Variants in GRB10 observed in about 807,000 individuals in gnomAD.
GRB10 encodes the protein growth factor receptor bound protein 10, also known as growth factor receptor-bound protein 10.
In GRB10, 20 loss-of-function variants were observed where a neutral mutation model predicts 80.9. That is an observed-to-expected ratio of 0.25 (90% CI 0.17 to 0.36). The LOEUF is 0.36. GRB10 is among the 10% of genes least tolerant of loss of function. The pLI is 1.00. For missense variants in GRB10, 548 were observed against 747.7 expected, an observed-to-expected ratio of 0.73 and a Z score of 3.12; for synonymous variants, 291 against 291.5, an observed-to-expected ratio of 1.00 and a Z score of 0.02.
chr7:50,606,797 G>T (rs2048623629), intron 13 of GRB10: 2 of 302,046 alleles, frequency 6.6e-6, no homozygotes, highest in South Asian at 3.2e-5. Flanking sequence ...TACAATTATG[G>T]GACTGTACTG....
intron 4 of GRB10, among the ~76,000 whole-genome samples, chr7:50,720,290 A>G (rs776443579): frequency 2.1e-4 from 32 of 152,246 alleles, no homozygotes; most frequent in Non-Finnish European, 7.3e-5. Context: ...TAAGATGATA[A>G]TAATAATAAA....
At chr7:50,596,919 GAT>G (rs1219474353) in intron 17 of GRB10, among the ~76,000 whole-genome samples, 1 of 152,144 alleles carries the variant, frequency 6.6e-6, no homozygotes, top group Non-Finnish European at 1.5e-5. Flanking sequence ...TAGCTGAAAA[GAT>G]AGTTATACAT....
chr7:50,714,725 C>G (rs1289614212), intron 4 of GRB10, among the ~76,000 whole-genome samples: 2 of 151,836 alleles, frequency 1.3e-5, no homozygotes, highest in African/African-American at 4.8e-5. Flanking sequence ...GTGGGGTGCA[C>G]AAAGCCATTG....
At position 50,592,240 on chromosome 7, in the gene GRB10, T is replaced by G. The variant is rs137926914; in HGVS notation, c.*712A>C. Reference sequence around the variant, plus strand: ...AACAAGAGGATCTGACATCTGAGCATAGAGAAATGATTAACAGACTGTGGT... The same window carrying G: ...AACAAGAGGATCTGACATCTGAGCAGAGAGAAATGATTAACAGACTGTGGT... On this transcript the variant is annotated 3_prime_UTR_variant, in exon 19 of 19. Transcript: ENST00000401949. 6.5e-6 allele frequency: 1 copy of G among 154,824 alleles called. No homozygotes were observed. Among genetic ancestry groups the G allele is most frequent in the Non-Finnish European group, 1.4e-5 (1 of 69,820 alleles). The allele number at this position is 154,824 out of a possible 1,614,324, so 9.6% of individuals were successfully genotyped here.
At chr7:50,714,176 A>C (rs1414002423) in intron 4 of GRB10, among the ~76,000 whole-genome samples, 1 of 152,230 alleles carries the variant, frequency 6.6e-6, no homozygotes, top group African/African-American at 2.4e-5. Context: ...ACATAATATT[A>C]ATTTGTTAGA....
intron 8 of GRB10, among the ~76,000 whole-genome samples, chr7:50,621,758 A>G (rs753707512): frequency 1.5e-4 from 23 of 152,260 alleles, no homozygotes; most frequent in Non-Finnish European, 1.2e-4. Context: ...TTTCAAGATA[A>G]TATTCCAAAA....
At chr7:50,771,248 C>A (rs1165634731) in intron 2 of GRB10, among the ~76,000 whole-genome samples, 2 of 152,212 alleles carry the variant, frequency 1.3e-5, no homozygotes, top group Admixed American at 6.5e-5. Flanking sequence ...CTGCTCCACA[C>A]AATCAGCAGG....
chr7:50,788,311 C>T (rs1296365297), intron 1 of GRB10, among the ~76,000 whole-genome samples: 1 of 152,146 alleles, frequency 6.6e-6, no homozygotes, highest in East Asian at 1.9e-4. Context: ...CTCAGTGGGG[C>T]CCAGGTAGCT....
intron 1 of GRB10, chr7:50,792,624 C>T (rs2078976683): frequency 5.0e-6 from 2 of 396,912 alleles, no homozygotes; most frequent in Non-Finnish European, 8.9e-6. Context: ...GCCCCAGCGG[C>T]GGCTAACGGG....
intron 7 of GRB10, among the ~76,000 whole-genome samples, chr7:50,651,191 T>C (rs989181393): frequency 6.6e-6 from 1 of 152,210 alleles, no homozygotes; most frequent in Admixed American, 6.5e-5. Flanking sequence ...TAGTTTGCCA[T>C]GGCTGCCATA....
At chr7:50,672,322 C>T (rs1166227503) in intron 6 of GRB10, among the ~76,000 whole-genome samples, 2 of 152,210 alleles carry the variant, frequency 1.3e-5, no homozygotes, top group Non-Finnish European at 2.9e-5. Flanking sequence ...ACGGTTTCCT[C>T]AGCTGGGAAG....
At chr7:50,631,874 T>C (rs2153597849) in intron 7 of GRB10, among the ~76,000 whole-genome samples, 1 of 152,190 alleles carries the variant, frequency 6.6e-6, no homozygotes, top group Admixed American at 6.5e-5. Context: ...GTCACAGAGG[T>C]GGAAAGTACT....
intron 3 of GRB10, among the ~76,000 whole-genome samples, chr7:50,732,887 T>C (rs1328789855): frequency 2.0e-5 from 3 of 152,132 alleles, no homozygotes; most frequent in African/African-American, 7.2e-5. Context: ...ACAAACTCAT[T>C]ACATACTCTC....
intron 7 of GRB10, among the ~76,000 whole-genome samples, chr7:50,637,459 A>G (rs1268449610): frequency 6.6e-6 from 1 of 152,160 alleles, no homozygotes; most frequent in Non-Finnish European, 1.5e-5. Context: ...CACAACATAC[A>G]TACACATAAT....
At chr7:50,713,080 C>T (rs569361113) in intron 4 of GRB10, among the ~76,000 whole-genome samples, 3 of 152,172 alleles carry the variant, frequency 2.0e-5, no homozygotes, top group Admixed American at 1.3e-4. Flanking sequence ...GCATTTTGGC[C>T]GAAAGGGGGA....
chr7:50,692,481 A>G (rs1461797412), intron 5 of GRB10, among the ~76,000 whole-genome samples: 11 of 152,056 alleles, frequency 7.2e-5, no homozygotes, highest in Admixed American at 7.2e-4. Context: ...CCGATATCTC[A>G]TGAATGGCAA....
intron 7 of GRB10, among the ~76,000 whole-genome samples, chr7:50,630,666 A>ATT (rs2053826105): frequency 6.6e-6 from 1 of 152,132 alleles, no homozygotes; most frequent in Admixed American, 6.5e-5. Context: ...CAAATCCTCA[A>ATT]TTTCTTTCTC....
intron 3 of GRB10, among the ~76,000 whole-genome samples, chr7:50,737,909 C>A (rs2071086795): frequency 6.6e-6 from 1 of 152,122 alleles, no homozygotes; most frequent in Non-Finnish European, 1.5e-5. Flanking sequence ...AGAATGCCTA[C>A]AACTCAACAA....
At chr7:50,699,506 G>A (rs1244681222) in intron 5 of GRB10, among the ~76,000 whole-genome samples, 1 of 152,138 alleles carries the variant, frequency 6.6e-6, no homozygotes, top group Non-Finnish European at 1.5e-5. Flanking sequence ...TCTTCTGCCA[G>A]GTGAAATGAT....
Sources: gnomAD v4.1 joint callset for allele counts (sites outside exome capture counted in the v4.1 genomes callset) on GRCh38, gnomAD v4.1.1 for gene constraint, MANE v1.5 for transcripts, NCBI Gene and HGNC (gene_info 2026-07-23, HGNC 2026-07-21) for gene names.